The following LMOD1 variants were observed in gnomAD, a reference collection of about 807,000 sequenced individuals.
The protein encoded by LMOD1 is leiomodin-1.
A neutral mutation model predicts 36.5 loss-of-function variants in LMOD1; 8 were observed. The ratio of observed to expected loss-of-function variants is 0.22; its 90% confidence interval spans 0.13 to 0.40. The LOEUF (loss-of-function observed/expected upper bound fraction) is 0.40, where lower values mean the gene tolerates loss of function less well. LMOD1 is among the 10% of genes least tolerant of loss of function. The pLI is 1.00. For synonymous variants in LMOD1, 284 were observed against 288.7 expected (o/e 0.98, Z 0.17); for missense variants, 630 against 751.1 (o/e 0.84, Z 1.88).
At chr1:201,934,494 C>T (rs1455064195) in intron 1 of LMOD1, among the ~76,000 whole-genome samples, 1 of 152,172 alleles carries the variant, frequency 6.6e-6, no homozygotes, top group African/African-American at 2.4e-5. Context: ...ATCAGTCTCC[C>T]TGTCTACTGA....
intron 1 of LMOD1, among the ~76,000 whole-genome samples, chr1:201,923,653 C>T (rs1681744193): frequency 6.6e-6 from 1 of 151,908 alleles, no homozygotes; most frequent in Non-Finnish European, 1.5e-5. Flanking sequence ...TGCTTGAGTT[C>T]AGGAGTTCGA....
In LMOD1 at chr1:201,900,235, C is replaced by T. The variant is rs1558234117; in HGVS notation, c.778G>A (p.Gly260Arg). ...KEDEKVKRGT[G>R]NTDTKKDDEK... ...TCGTCCTTTTTGGTGTCTGTGTTCC[C>T]AGTTCCTCTTTTTACCTTCTCATCC... Residue 260 changes from glycine (G) to arginine (R), a missense_variant, in exon 2 of 3, where the codon GGG (glycine) becomes AGG (arginine). By Grantham distance (125) the Gly-to-Arg change is moderately radical. Transcript: ENST00000367288. The T allele has an allele frequency of 1.2e-6, 2 of 1,613,780 alleles. No homozygotes were observed. The highest frequency in any genetic ancestry group is 2.2e-5 in the East Asian group (1 of 44,876).
chr1:201,897,177 C>CCG lies in LMOD1; in HGVS notation c.*1194_*1195insCG. On this transcript the variant is annotated 3_prime_UTR_variant, in exon 3 of 3. Transcript: ENST00000367288. ...AGGCCCCTCTGAGCCCTAGGGCACA[C>CCG]AGATATGGGTGCTATTCTCCAAATA... is the stretch of plus-strand genomic sequence containing the variant. The CCG allele has an allele frequency of 2.7e-5, 6 of 220,734 alleles. No homozygotes were observed. Among genetic ancestry groups the CCG allele is most frequent in the South Asian group, 6.7e-5 (1 of 14,816 alleles). The allele number at this position is 220,734 out of a possible 1,614,324, so 13.7% of individuals were successfully genotyped here.
intron 1 of LMOD1, among the ~76,000 whole-genome samples, chr1:201,924,049 G>T (rs1681755952): frequency 6.6e-5 from 10 of 151,368 alleles, no homozygotes; most frequent in Admixed American, 6.6e-4. Flanking sequence ...GGGCACAGTG[G>T]CTCACGCCTG....
At chr1:201,901,550 A>G (rs1261429303) in intron 1 of LMOD1, among the ~76,000 whole-genome samples, 33 of 48,468 alleles carry the variant, frequency 6.8e-4, no homozygotes, top group Non-Finnish European at 9.6e-4. Flanking sequence ...ATATATATAT[A>G]TACATATATA....
At chr1:201,918,040 C>A (rs1213271418) in intron 1 of LMOD1, among the ~76,000 whole-genome samples, 1 of 152,214 alleles carries the variant, frequency 6.6e-6, no homozygotes, top group Non-Finnish European at 1.5e-5. Context: ...TTTAGTAATT[C>A]TTGAGCACAT....
intron 1 of LMOD1, among the ~76,000 whole-genome samples, chr1:201,917,852 C>T (rs1681637297): frequency 6.6e-6 from 1 of 152,228 alleles, no homozygotes; most frequent in Non-Finnish European, 1.5e-5. Flanking sequence ...CTGCCTGGGG[C>T]TGTGAGCAGG....
intron 1 of LMOD1, among the ~76,000 whole-genome samples, chr1:201,901,547 T>A (rs182899273): frequency 2.3e-5 from 1 of 43,958 alleles, no homozygotes; most frequent in African/African-American, 1.3e-4. Context: ...TATATATATA[T>A]ATATACATAT....
chr1:201,939,731 T>C (rs972452265), intron 1 of LMOD1, among the ~76,000 whole-genome samples: 2 of 151,460 alleles, frequency 1.3e-5, no homozygotes, highest in Non-Finnish European at 2.9e-5. Context: ...CCCCCATGCA[T>C]GGCGCTGTGT....
intron 1 of LMOD1, among the ~76,000 whole-genome samples, chr1:201,902,473 A>G (rs2013046): frequency 0.99 from 151,175 of 152,084 alleles, 75,141 homozygotes; most frequent in East Asian, 1. Context: ...TTTTGACAGA[A>G]TCTTGCTCTG....
intron 1 of LMOD1, among the ~76,000 whole-genome samples, chr1:201,907,457 C>T (rs1414104910): frequency 2.0e-5 from 3 of 152,220 alleles, no homozygotes; most frequent in Non-Finnish European, 2.9e-5. Context: ...TATCTGAGCC[C>T]CTGCCCCCTT....
chr1:201,919,215 A>AT, intron 1 of LMOD1, among the ~76,000 whole-genome samples: 2 of 134,284 alleles, frequency 1.5e-5, no homozygotes, highest in African/African-American at 5.6e-5. Flanking sequence ...AAAGACAGAA[A>AT]CTTTTTTTTT....
intron 1 of LMOD1, among the ~76,000 whole-genome samples, chr1:201,932,343 C>T (rs200685823): frequency 6.6e-6 from 1 of 152,036 alleles, no homozygotes; most frequent in Non-Finnish European, 1.5e-5. Context: ...GTAGAGGAAT[C>T]TGACCTGGGC....
At chr1:201,909,444 T>C (rs1204273029) in intron 1 of LMOD1, among the ~76,000 whole-genome samples, 1 of 151,872 alleles carries the variant, frequency 6.6e-6, no homozygotes, top group Non-Finnish European at 1.5e-5. Context: ...AGAGACGGAG[T>C]CTTATGTTGC....
chr1:201,901,594 A>G (rs12729534), intron 1 of LMOD1, among the ~76,000 whole-genome samples: 537 of 8,874 alleles, frequency 0.061, 54 homozygotes, highest in South Asian at 0.088. Context: ...ACATATATAT[A>G]TGTATATATA....
In LMOD1 at chr1:201,946,186, C is replaced by A. The variant is rs1320257513; in HGVS notation, c.155G>T (p.Arg52Ile). 1.2e-6 allele frequency: 2 copies of A among 1,614,052 alleles called. No individual in the cohort carries two copies. Among genetic ancestry groups the A allele is most frequent in the Non-Finnish European group, 1.7e-6 (2 of 1,179,902 alleles). The change falls in exon 1 of 3, where the codon AGA becomes ATA. Residue 52 changes from arginine to isoleucine, a missense_variant. Arg to Ile is a moderately conservative substitution (Grantham distance 97). Transcript: ENST00000367288. ...DGSVPVGLRQ[R>I]NQTEKQSTGV... ...CGTGGACTGTTTCTCCGTCTGGTTT[C>A]TCTGCCGCAGCCCCACGGGAACACT... is the stretch of plus-strand genomic sequence containing the variant.
intron 1 of LMOD1, among the ~76,000 whole-genome samples, chr1:201,924,718 A>AAAGAAAGAAAG: frequency 1.1e-5 from 1 of 88,822 alleles, no homozygotes; most frequent in Non-Finnish European, 2.5e-5. Flanking sequence ...AGAAAGAAAG[A>AAAGAAAGAAAG]AAGAAAGAAA....
rs771337472 is a variant in LMOD1, at chr1:201,898,320, G to A, written c.*52C>T. The A allele has an allele frequency of 1.5e-5, 24 of 1,593,612 alleles. No individual in the cohort carries two copies. The South Asian group carries it at 2.6e-4, about 17-fold the overall frequency. On this transcript the variant is annotated 3_prime_UTR_variant, in exon 3 of 3. Transcript: ENST00000367288. ...GGGCAGGGTCTGTGTAGCCCTGGGA[G>A]GTGAGGCCTGAGCAGTCATGGCATT... is the stretch of plus-strand genomic sequence containing the variant.
intron 1 of LMOD1, among the ~76,000 whole-genome samples, chr1:201,933,214 G>T (rs1283984173): frequency 1.3e-5 from 2 of 152,062 alleles, no homozygotes; most frequent in African/African-American, 4.8e-5. Flanking sequence ...AGGAGTTCAG[G>T]ACCAGCCTGG....
Sources: allele counts gnomAD v4.1 joint callset (sites outside exome capture counted in the v4.1 genomes callset), GRCh38; gene constraint gnomAD v4.1.1; transcripts MANE v1.5; gene names NCBI Gene and HGNC (gene_info 2026-07-23, HGNC 2026-07-21).